Variants in ABTB2 observed in about 807,000 individuals in gnomAD.
ABTB2 encodes the protein ankyrin repeat and BTB domain containing 2, also known as ankyrin repeat and BTB/POZ domain-containing protein 2.
ABTB2 carries 56 observed loss-of-function variants against 104.1 expected under a neutral mutation model. That is an observed-to-expected ratio of 0.54 (90% CI 0.43 to 0.67). The LOEUF (loss-of-function observed/expected upper bound fraction) is 0.67. ABTB2 is among the 30% of genes least tolerant of loss of function. The pLI is 0.00. For missense variants in ABTB2, 1,279 were observed against 1,407.7 expected, an observed-to-expected ratio of 0.91 and a Z score of 1.46; for synonymous variants, 606 against 608.2, an observed-to-expected ratio of 1.00 and a Z score of 0.05.
At chr11:34,205,843 G>A (rs917986113) in intron 1 of ABTB2, among the ~76,000 whole-genome samples, 1 of 152,032 alleles carries the variant, frequency 6.6e-6, no homozygotes, top group African/African-American at 2.4e-5. Context: ...GTGTGATCTT[G>A]GTCAGGTTAC....
Position 34,162,661 on chromosome 11 carries a change from C to G in ABTB2, c.2133G>C (p.Arg711=). 6.2e-7 allele frequency: 1 copy of G among 1,613,346 alleles called. No individual in the cohort carries two copies. The highest frequency in any genetic ancestry group is 8.5e-7 in the Non-Finnish European group (1 of 1,180,002). The part of the protein sequence containing the change: ...SGSEGPVRLS[R]TRTKALQEAM... ...CCTCCTGTAGGGCCTTGGTGCGGGT[C>G]CGGCTCAGCCGCACGGGCCCCTCGC... Residue 711 remains arginine, a synonymous_variant, in exon 10 of 17, where the codon CGG becomes CGC. Transcript: ENST00000435224.
At chr11:34,180,809 C>T (rs1231413557) in intron 3 of ABTB2, among the ~76,000 whole-genome samples, 1 of 152,162 alleles carries the variant, frequency 6.6e-6, no homozygotes, top group African/African-American at 2.4e-5. Flanking sequence ...ATTGTTCAAT[C>T]CAAGGGTCTC....
intron 1 of ABTB2, among the ~76,000 whole-genome samples, chr11:34,313,357 A>G (rs936056503): frequency 6.6e-6 from 1 of 152,172 alleles, no homozygotes; most frequent in Non-Finnish European, 1.5e-5. Context: ...CCTGGGTAGG[A>G]TGTGGTCTGA....
intron 1 of ABTB2, among the ~76,000 whole-genome samples, chr11:34,302,199 C>T (rs1304952919): frequency 1.1e-4 from 17 of 152,208 alleles, no homozygotes; most frequent in Admixed American, 1.1e-3. Flanking sequence ...CCCTCTTCCC[C>T]ACCACAACTG....
intron 1 of ABTB2, among the ~76,000 whole-genome samples, chr11:34,306,073 G>A (rs1241321089): frequency 1.3e-5 from 2 of 151,490 alleles, no homozygotes; most frequent in Admixed American, 1.3e-4. Flanking sequence ...TATTCTCTAA[G>A]AACAGGAAGT....
At chr11:34,264,116 G>A (rs912592987) in intron 1 of ABTB2, among the ~76,000 whole-genome samples, 2 of 152,202 alleles carry the variant, frequency 1.3e-5, no homozygotes, top group African/African-American at 2.4e-5. Context: ...GGAGAAAAAG[G>A]GCGAGAGTTT....
At chr11:34,338,517 T>C (rs1168209397) in intron 1 of ABTB2, among the ~76,000 whole-genome samples, 1 of 148,654 alleles carries the variant, frequency 6.7e-6, no homozygotes, top group African/African-American at 2.5e-5. Context: ...GCCAACATGG[T>C]GAAACCCCAT....
At chr11:34,267,107 C>T (rs1854261757) in intron 1 of ABTB2, among the ~76,000 whole-genome samples, 1 of 152,156 alleles carries the variant, frequency 6.6e-6, no homozygotes, top group African/African-American at 2.4e-5. Context: ...GAGAAAGAAA[C>T]AATTCTCTTT....
chr11:34,307,684 T>C (rs951146229), intron 1 of ABTB2, among the ~76,000 whole-genome samples: 5 of 150,640 alleles, frequency 3.3e-5, no homozygotes, highest in African/African-American at 9.9e-5. Flanking sequence ...TCTGGCCTCA[T>C]AGTTAGGTGA....
chr11:34,223,325 T>C (rs559825475), intron 1 of ABTB2, among the ~76,000 whole-genome samples: 34 of 152,214 alleles, frequency 2.2e-4, no homozygotes, highest in African/African-American at 7.2e-4. Context: ...CCTGGATCTT[T>C]CCTGGATCTG....
chr11:34,341,290 C>T (rs1855259582), intron 1 of ABTB2, among the ~76,000 whole-genome samples: 1 of 152,152 alleles, frequency 6.6e-6, no homozygotes, highest in Admixed American at 6.5e-5. Context: ...TGATAAAACC[C>T]GACCTTGTGT....
At chr11:34,232,555 C>T (rs751186299) in intron 1 of ABTB2, among the ~76,000 whole-genome samples, 1 of 152,094 alleles carries the variant, frequency 6.6e-6, no homozygotes, top group Non-Finnish European at 1.5e-5. Context: ...CAGCAAGGGA[C>T]CTCTCGAGAC....
At chr11:34,341,937 G>A (rs550678632) in intron 1 of ABTB2, among the ~76,000 whole-genome samples, 5 of 152,088 alleles carry the variant, frequency 3.3e-5, no homozygotes, top group African/African-American at 7.2e-5. Context: ...ACGTGTAAAG[G>A]GTCCCCCATT....
chr11:34,194,892 G>C (rs1853229802), intron 3 of ABTB2, among the ~76,000 whole-genome samples: 1 of 152,098 alleles, frequency 6.6e-6, no homozygotes, highest in East Asian at 1.9e-4. Flanking sequence ...AGATAGTGCG[G>C]TTTTTAAATA....
intron 1 of ABTB2, among the ~76,000 whole-genome samples, chr11:34,274,109 G>A (rs1409433618): frequency 7.7e-6 from 1 of 129,120 alleles, no homozygotes. Flanking sequence ...CCGAGATTGC[G>A]CCACTGCAGT....
intron 1 of ABTB2, among the ~76,000 whole-genome samples, chr11:34,303,870 T>C (rs1854741010): frequency 1.3e-5 from 2 of 152,264 alleles, no homozygotes; most frequent in South Asian, 4.1e-4. Flanking sequence ...CTCGAACTTC[T>C]GACCTCAGGT....
At chr11:34,203,875 C>A (rs1465336475) in intron 2 of ABTB2, among the ~76,000 whole-genome samples, 2 of 152,188 alleles carry the variant, frequency 1.3e-5, no homozygotes, top group Non-Finnish European at 2.9e-5. Flanking sequence ...GTGATCTCAA[C>A]AGAGCGAGGG....
At chr11:34,232,143 C>A (rs1263426726) in intron 1 of ABTB2, among the ~76,000 whole-genome samples, 23 of 152,148 alleles carry the variant, frequency 1.5e-4, no homozygotes, top group Admixed American at 1.5e-3. Context: ...TTGCGACTTT[C>A]ATGTAAATCT....
At chr11:34,176,140 C>T (rs1395093193) in intron 3 of ABTB2, among the ~76,000 whole-genome samples, 3 of 151,942 alleles carry the variant, frequency 2.0e-5, no homozygotes, top group Non-Finnish European at 2.9e-5. Context: ...GTTAGCCGGG[C>T]GTGGTGGTAC....
Sources: allele counts gnomAD v4.1 joint callset (sites outside exome capture counted in the v4.1 genomes callset), GRCh38; gene constraint gnomAD v4.1.1; transcripts MANE v1.5; gene names NCBI Gene and HGNC (gene_info 2026-07-23, HGNC 2026-07-21).